Variants in OSBPL2 observed in about 807,000 individuals in gnomAD.
The protein encoded by OSBPL2 is oxysterol-binding protein-related protein 2.
A neutral mutation model predicts 58.4 loss-of-function variants in OSBPL2; 18 were observed. The ratio of observed to expected loss-of-function variants is 0.31; its 90% CI spans 0.21 to 0.46. The LOEUF is 0.46. Ranked by LOEUF, OSBPL2 falls within the 20% of genes least tolerant of loss-of-function variation. The pLI, the probability that OSBPL2 is intolerant of heterozygous loss-of-function variation, is 1.00. For synonymous variants in OSBPL2, 221 were observed against 234.1 expected, an observed-to-expected ratio of 0.94 and a Z score of 0.51; for missense variants, 461 against 616.5, an observed-to-expected ratio of 0.75 and a Z score of 2.67.
chr20:62,286,710 A>G lies in OSBPL2; in HGVS notation c.1124A>G (p.Gln375Arg). 1 of 1,610,784 alleles carries G rather than the reference A, an allele frequency of 6.2e-7. No individual in the cohort carries two copies. Among genetic ancestry groups the G allele is most frequent in the Non-Finnish European group, 8.5e-7 (1 of 1,177,900 alleles). Reference protein sequence around the residue: ...RINTRPPNSAQMYNFTSFTVS... With the variant: ...RINTRPPNSARMYNFTSFTVS... ...AACACCCGGCCCCCCAACTCTGCCCAGGTCTGTGTCCCTCCATGGCCTGAC... is the reference window on the plus strand; with the variant it reads ...AACACCCGGCCCCCCAACTCTGCCCGGGTCTGTGTCCCTCCATGGCCTGAC... Residue 375 changes from glutamine (Q) to arginine (R), a missense_variant and splice_region_variant, in exon 11 of 14, where the codon CAG becomes CGG. This residue lies in a region of OSBPL2 where 319 missense variants were observed against 419.2 expected (regional missense o/e 0.76). Coordinates refer to ENST00000313733, the MANE Select transcript of OSBPL2 (RefSeq NM_144498.4).
Position 62,273,402 on chromosome 20 carries a change from A to G in OSBPL2, c.487A>G (p.Ile163Val). Residue 163 changes from isoleucine (I) to valine (V), a missense_variant, in exon 6 of 14, where the codon ATC (isoleucine) becomes GTC (valine). Physicochemically the swap from Ile to Val is conservative, Grantham distance 29. Coordinates refer to ENST00000313733, the MANE Select transcript of OSBPL2 (RefSeq NM_144498.4). ...ACTCTTGGGAGAAACGTATGAATTA[A>G]TCAGGTAAGGGGGGAAAGGCCCATC... ...NPLLGETYELIREDLGFRFIS... is the reference protein window; with the variant it reads ...NPLLGETYELVREDLGFRFIS... 2 of 1,598,336 alleles carry G rather than the reference A, an allele frequency of 1.3e-6. No individual in the cohort carries two copies. The highest frequency in any genetic ancestry group is 1.7e-6 in the Non-Finnish European group (2 of 1,173,070).
chr20:62,273,978 T>C (rs1982231410), intron 6 of OSBPL2, among the ~76,000 whole-genome samples: 1 of 152,194 alleles, frequency 6.6e-6, no homozygotes, highest in African/African-American at 2.4e-5. Flanking sequence ...CTTCTTCCTA[T>C]GGAACTTTCT....
rs115985932 is a variant in OSBPL2, at chr20:62,276,508, A to G, written c.492-2649A>G. Among the ~76,000 whole-genome samples the G allele has an allele frequency of 1.7e-3, 253 of 152,280 alleles. 1 individual carries two copies. Among genetic ancestry groups the G allele is most frequent in the African/African-American group, 5.8e-3 (243 of 41,552 alleles). ...CTGGCTGGGTCAGCTGCTGGTCCTT[A>G]CCCACATGCTGCCCGTGCGTGAATG... On this transcript the variant is annotated intron_variant, in intron 6 of 13. Transcript: ENST00000313733.
chr20:62,273,025 C>A (rs574982490), intron 5 of OSBPL2, among the ~76,000 whole-genome samples: 1 of 152,164 alleles, frequency 6.6e-6, no homozygotes, highest in African/African-American at 2.4e-5. Context: ...GCATATCAGA[C>A]GGAGTGGCTG....
chr20:62,257,746 G>C (rs1164818708), intron 2 of OSBPL2, among the ~76,000 whole-genome samples: 3 of 144,192 alleles, frequency 2.1e-5, no homozygotes, highest in African/African-American at 7.8e-5. Context: ...CCAGAGTCTT[G>C]CTTTGTCGCC....
In OSBPL2 at chr20:62,272,280, GCAGGAGTTTGT is replaced by G. The variant is rs766487421; in HGVS notation, c.393+24_393+34del. 8.7e-6 allele frequency: 14 copies of G among 1,609,816 alleles called. No homozygotes were observed. The African/African-American group carries it at 1.7e-4, about 20-fold the overall frequency. ...TGCAGGTGGGCCTTAGGGGTGCCAG[GCAGGAGTTTGT>G]CATGAAAGTGATGCCCCTTGCATGT... is the stretch of plus-strand genomic sequence containing the variant. On this transcript the variant is annotated intron_variant, in intron 5 of 13. Coordinates refer to ENST00000313733, the MANE Select transcript of OSBPL2 (RefSeq NM_144498.4).
rs560834643 is a variant in OSBPL2, at chr20:62,281,181, C to T, written c.782+16C>T. 21 of 1,576,892 alleles carry T rather than the reference C, an allele frequency of 1.3e-5. No individual in the cohort carries two copies. The highest frequency in any genetic ancestry group is 5.4e-5 in the African/African-American group (4 of 74,332). ...TAAACCACAGGTGACAGCACCCCAC[C>T]GTTGGGTGAGAGCGCGAGGCTCCGG... is the stretch of plus-strand genomic sequence containing the variant. On this transcript the variant is annotated intron_variant, in intron 8 of 13. Transcript: ENST00000313733.
chr20:62,272,189 C>T lies in OSBPL2; in HGVS notation c.323C>T (p.Thr108Met). ...CCTCTGAGCTTCTTGCAGCGGATCACGGAGTACATGGAGCACGTGTACCTC... is the reference window on the plus strand; with the variant it reads ...CCTCTGAGCTTCTTGCAGCGGATCATGGAGTACATGGAGCACGTGTACCTC... The part of the protein sequence containing the change: ...NEPLSFLQRI[T>M]EYMEHVYLIH... The change falls in exon 5 of 14, where the codon ACG becomes ATG. Residue 108 changes from threonine to methionine, a missense_variant. Physicochemically the swap from Thr to Met is moderately conservative, Grantham distance 81 (BLOSUM62 -1). Transcript: ENST00000313733. 2.5e-6 allele frequency: 4 copies of T among 1,613,880 alleles called. No individual in the cohort carries two copies. The highest frequency in any genetic ancestry group is 3.4e-6 in the Non-Finnish European group (4 of 1,179,958).
In OSBPL2 at chr20:62,251,865, C is replaced by CTTTTTTTTTTTTTTTTTTTT. The variant is rs147891445; in HGVS notation, c.-128-4180_-128-4161dup. On this transcript the variant is annotated intron_variant, in intron 1 of 13. Transcript: ENST00000313733. Reference sequence around the variant, plus strand: ...TCAAGCGTCATTTTAATTGGTATGCCTTTTTTTTTTTTTTTTTTTTTTTTT... The same window carrying CTTTTTTTTTTTTTTTTTTTT: ...TCAAGCGTCATTTTAATTGGTATGCCTTTTTTTTTTTTTTTTTTTTTTTTTTTTTTTTTTTTTTTTTTTTT... 7.2e-5 allele frequency among the ~76,000 whole-genome samples: 3 copies of CTTTTTTTTTTTTTTTTTTTT among 41,738 alleles called. 1 individual carries two copies. Among genetic ancestry groups the CTTTTTTTTTTTTTTTTTTTT allele is most frequent in the East Asian group, 7.1e-4 (1 of 1,414 alleles). 27.4% of individuals were successfully genotyped at this position (41,738 alleles called of 152,430 possible).
intron 1 of OSBPL2, among the ~76,000 whole-genome samples, chr20:62,241,337 C>T (rs1042863173): frequency 1.1e-4 from 17 of 152,314 alleles, no homozygotes; most frequent in Non-Finnish European, 1.2e-4. Context: ...GGACTACAGG[C>T]GCCCGCCACC....
chr20:62,293,962 C>A lies in OSBPL2; in HGVS notation c.*75C>A. On this transcript the variant is annotated 3_prime_UTR_variant, in exon 14 of 14. Coordinates refer to ENST00000313733, the MANE Select transcript of OSBPL2 (RefSeq NM_144498.4). ...TTCCTCGAGTGGCCACTGTGAGCCT[C>A]GTCACAGCAGAAACCAACTTTTCTA... 1 of 1,553,298 alleles carries A rather than the reference C, an allele frequency of 6.4e-7. No individual in the cohort carries two copies. The highest frequency in any genetic ancestry group is 2.1e-5 in the Admixed American group (1 of 48,234).
intron 1 of OSBPL2, among the ~76,000 whole-genome samples, chr20:62,242,842 T>C (rs1051463631): frequency 2.0e-4 from 31 of 152,186 alleles, no homozygotes; most frequent in African/African-American, 6.5e-4. Flanking sequence ...TGTGGGCTCA[T>C]ACGGGGAGTT....
chr20:62,286,516 AT>A, intron 10 of OSBPL2, 66 bp from the exon 11 acceptor site: 4 of 1,554,652 alleles, frequency 2.6e-6, no homozygotes, highest in Admixed American at 1.8e-5. Context: ...CGCTCTGAGA[AT>A]AGCTGTCCTC....
chr20:62,290,508 C>T (rs566114732), intron 12 of OSBPL2, among the ~76,000 whole-genome samples: 1 of 144,232 alleles, frequency 6.9e-6, no homozygotes, highest in African/African-American at 2.6e-5. Flanking sequence ...GCTCCGCCTT[C>T]TGGGTTCAGG....
intron 1 of OSBPL2, among the ~76,000 whole-genome samples, chr20:62,245,018 G>A (rs760187277): frequency 4.6e-5 from 7 of 152,226 alleles, no homozygotes; most frequent in Admixed American, 3.9e-4. Flanking sequence ...GCTGGCACGC[G>A]TAGCACAGGG....
intron 1 of OSBPL2, among the ~76,000 whole-genome samples, chr20:62,253,303 T>C (rs891456999): frequency 2.0e-5 from 3 of 152,240 alleles, no homozygotes; most frequent in African/African-American, 7.2e-5. Flanking sequence ...GCTATCTCCT[T>C]GATTGCCAGT....
At chr20:62,290,322 A>T (rs143340288) in intron 12 of OSBPL2, among the ~76,000 whole-genome samples, 2,348 of 150,880 alleles carry the variant, frequency 0.016, 28 homozygotes, top group Non-Finnish European at 0.023. Context: ...TGCAGCCTCA[A>T]CCTCCCAGGT....
chr20:62,276,649 G>A (rs946783498), intron 6 of OSBPL2, among the ~76,000 whole-genome samples: 11 of 152,210 alleles, frequency 7.2e-5, no homozygotes, highest in African/African-American at 9.7e-5. Context: ...AGAGTGTGGC[G>A]TGGTGACAGC....
chr20:62,269,926 A>T lies in OSBPL2; in HGVS notation c.259-2199A>T, dbSNP rs1022550030. ...CCACAGTCCCCGTGTGTCCAGTGCC[A>T]TCTGGGGCCTGCTCGCCCCTGCAGC... On this transcript the variant is annotated intron_variant, in intron 4 of 13. Transcript: ENST00000313733. The surrounding 1 kb of genome is among the most constrained non-coding windows in gnomAD (Gnocchi z 4.2). Among the ~76,000 whole-genome samples, 3 of 152,208 alleles carry T rather than the reference A, an allele frequency of 2.0e-5. No individual in the cohort carries two copies. The highest frequency in any genetic ancestry group is 4.4e-5 in the Non-Finnish European group (3 of 68,028).
Sources: allele counts gnomAD v4.1 joint callset (sites outside exome capture counted in the v4.1 genomes callset), GRCh38; gene constraint gnomAD v4.1.1; regional missense constraint gnomAD v4.1.1; non-coding constraint Gnocchi (gnomAD v3.1); transcripts MANE v1.5; gene names NCBI Gene and HGNC (gene_info 2026-07-23, HGNC 2026-07-21).